RNF20: variants seen among roughly 807,000 people sequenced by gnomAD.
RNF20 encodes the protein ring finger protein 20.
A neutral mutation model predicts 126.2 loss-of-function variants in RNF20; 84 were observed. The observed-to-expected ratio is 0.67, with a 90% CI of 0.56 to 0.80. The LOEUF (loss-of-function observed/expected upper bound fraction) is 0.80. Among genes scored for constraint, RNF20 ranks in the 30% least tolerant of loss-of-function variants. RNF20 has a pLI of 0.00. For missense variants in RNF20, 869 were observed against 1,188.2 expected (o/e 0.73, Z 3.95); for synonymous variants, 400 against 414.3 (o/e 0.97, Z 0.42).
chr9:101,562,486 T>G lies in RNF20; in HGVS notation c.*64T>G. 2.7e-6 allele frequency: 4 copies of G among 1,464,342 alleles called. No homozygotes were observed. Among genetic ancestry groups the G allele is most frequent in the Non-Finnish European group, 2.8e-6 (3 of 1,080,844 alleles). 90.7% of individuals were successfully genotyped at this position (1,464,342 alleles called of 1,614,324 possible). ...ACTTATTCATTAACCACCAAACCTC[T>G]ACCTCTTCTCTCCTTGACTGTCACC... is the stretch of plus-strand genomic sequence containing the variant. On this transcript the variant is annotated 3_prime_UTR_variant, in exon 20 of 20. Coordinates refer to ENST00000389120, the MANE Select transcript of RNF20 (RefSeq NM_019592.7).
At chr9:101,548,285 A>C (rs999243584) in intron 9 of RNF20, among the ~76,000 whole-genome samples, 7 of 152,232 alleles carry the variant, frequency 4.6e-5, no homozygotes, top group Non-Finnish European at 8.8e-5. Flanking sequence ...TAAAAAAGTC[A>C]AAATCTTGGA....
At chr9:101,551,608 G>C in intron 10 of RNF20, 76 bp from the exon 11 acceptor site, 1 of 1,331,704 alleles carries the variant, frequency 7.5e-7, no homozygotes, top group South Asian at 1.7e-5. Context: ...GAAATTTTCA[G>C]AGTAATCCAT....
chr9:101,554,760 G>T lies in RNF20; in HGVS notation c.2086G>T (p.Ala696Ser). 6.2e-7 allele frequency: 1 copy of T among 1,606,736 alleles called. No individual in the cohort carries two copies. Among genetic ancestry groups the T allele is most frequent in the Non-Finnish European group, 8.5e-7 (1 of 1,175,356 alleles). Residue 696 changes from alanine (A) to serine (S), a missense_variant, in exon 15 of 20, where the codon GCT becomes TCT. Transcript: ENST00000389120. ...AGAGAAGAAAGAGAACAAGAAAATG[G>T]CTGATGAGGATGCCTTGAGGAAGAT... ...DKEKKENKKM[A>S]DEDALRKIRA...
chr9:101,540,772 T>G (rs1190079366), intron 4 of RNF20, 21 bp from the exon 5 acceptor site: 1 of 1,594,288 alleles, frequency 6.3e-7, no homozygotes, highest in East Asian at 2.2e-5. Context: ...GGGGCTTCTT[T>G]TTTTCCCCCT....
chr9:101,540,020 A>G (rs1827234561), intron 2 of RNF20, among the ~76,000 whole-genome samples, 183 bp from the exon 3 acceptor site: 2 of 152,138 alleles, frequency 1.3e-5, no homozygotes, highest in South Asian at 4.1e-4. Flanking sequence ...TTCTTTCCTC[A>G]CACCATCATA....
intron 16 of RNF20, among the ~76,000 whole-genome samples, chr9:101,559,680 A>C (rs1827595651): frequency 6.6e-6 from 1 of 151,792 alleles, no homozygotes; most frequent in Non-Finnish European, 1.5e-5. Flanking sequence ...AAAGGGTTTG[A>C]GTTCTTGATA....
In RNF20 at chr9:101,535,393, A is replaced by G. The variant is rs368365119; in HGVS notation, c.-26-5A>G. 151 of 1,598,816 alleles carry G rather than the reference A, an allele frequency of 9.4e-5. No homozygotes were observed. In the African/African-American group the frequency reaches 1.8e-3, roughly 20 times the overall value. Reference sequence around the variant, plus strand: ...TATGTCAGTTTCTGCCTTTTTTTCTATCAGGAAAACGACTGTCTTCTTCTG... The same window carrying G: ...TATGTCAGTTTCTGCCTTTTTTTCTGTCAGGAAAACGACTGTCTTCTTCTG... On this transcript the variant is annotated splice_polypyrimidine_tract_variant and splice_region_variant and intron_variant, in intron 1 of 19. Coordinates refer to ENST00000389120, the MANE Select transcript of RNF20 (RefSeq NM_019592.7).
In RNF20 at chr9:101,550,679, C is replaced by T; in HGVS notation, c.1166C>T (p.Ser389Phe). ...TATCGCTGCATGCAGTCACAGTTCTCCGTCTTGTATAATGAGAGCCTACAG... is the reference window on the plus strand; with the variant it reads ...TATCGCTGCATGCAGTCACAGTTCTTCGTCTTGTATAATGAGAGCCTACAG... The part of the protein sequence containing the change: ...PEYRCMQSQF[S>F]VLYNESLQLK... Residue 389 changes from serine (S) to phenylalanine (F), a missense_variant, in exon 10 of 20, where the codon TCC becomes TTC. Coordinates refer to ENST00000389120, the MANE Select transcript of RNF20 (RefSeq NM_019592.7). 1.2e-6 allele frequency: 2 copies of T among 1,614,102 alleles called. No homozygotes were observed. The highest frequency in any genetic ancestry group is 1.7e-6 in the Non-Finnish European group (2 of 1,179,976).
chr9:101,533,885 G>T lies in RNF20; in HGVS notation c.-56G>T, dbSNP rs922549435. On this transcript the variant is annotated 5_prime_UTR_variant, in exon 1 of 20. Transcript: ENST00000389120. The stretch of plus-strand genomic sequence containing the variant: ...GCCTTGTCTCCGCCGCGGGTCAGGG[G>T]TGAGAGCTGGAATCTCTGCACGGGC... 2.6e-5 allele frequency: 4 copies of T among 152,440 alleles called. No homozygotes were observed. The highest frequency in any genetic ancestry group is 9.6e-5 in the African/African-American group (4 of 41,460). The allele number at this position is 152,440 out of a possible 1,614,324, so 9.4% of individuals were successfully genotyped here.
intron 9 of RNF20, among the ~76,000 whole-genome samples, chr9:101,549,510 C>G (rs529670329): frequency 6.6e-6 from 1 of 152,212 alleles, no homozygotes; most frequent in African/African-American, 2.4e-5. Context: ...TAACGGCGGA[C>G]GAGCCTGACT....
At chr9:101,538,277 TA>T (rs1827214069) in intron 2 of RNF20, among the ~76,000 whole-genome samples, 1 of 152,076 alleles carries the variant, frequency 6.6e-6, no homozygotes, top group South Asian at 2.1e-4. Context: ...ATGATTCAAG[TA>T]TAGGAAAGGT....
In RNF20 at chr9:101,535,685, T is replaced by C. The variant is rs946030040; in HGVS notation, c.129+133T>C. ...AGAGGGAAATAAAACAGGCTGAAAG[T>C]AGGTAAAATGATGTGGTAGTCAGTT... On this transcript the variant is annotated intron_variant, in intron 2 of 19. Transcript: ENST00000389120. The C allele has an allele frequency of 7.6e-6, 7 of 915,128 alleles. No individual in the cohort carries two copies. The Admixed American group carries it at 2.0e-4, about 27-fold the overall frequency. The allele number at this position is 915,128 out of a possible 1,614,324, so 56.7% of individuals were successfully genotyped here. A position where few individuals can be genotyped will look rare whatever the true frequency, so the allele number is the denominator to read the frequency against.
In RNF20 at chr9:101,562,664, C is replaced by T. The variant is rs1432144475; in HGVS notation, c.*242C>T. ...AAACAAATAACTCTTACTGTCTTCCCTCCCAGCTTTGTTTATTTTGTGCTT... is the reference window on the plus strand; with the variant it reads ...AAACAAATAACTCTTACTGTCTTCCTTCCCAGCTTTGTTTATTTTGTGCTT... On this transcript the variant is annotated 3_prime_UTR_variant, in exon 20 of 20. Transcript: ENST00000389120. 2.6e-6 allele frequency: 1 copy of T among 379,612 alleles called. No individual in the cohort carries two copies. Among genetic ancestry groups the T allele is most frequent in the African/African-American group, 2.1e-5 (1 of 48,518 alleles). 23.5% of individuals were successfully genotyped at this position (379,612 alleles called of 1,614,324 possible).
chr9:101,542,660 A>C (rs1221709851), intron 5 of RNF20, among the ~76,000 whole-genome samples: 1 of 152,216 alleles, frequency 6.6e-6, no homozygotes, highest in Non-Finnish European at 1.5e-5. Context: ...AAATTTTAGT[A>C]ATATGGTAAT....
chr9:101,550,540 A>T, intron 9 of RNF20, 66 bp from the exon 10 acceptor site: 2 of 1,402,388 alleles, frequency 1.4e-6, no homozygotes, highest in South Asian at 2.6e-5. Flanking sequence ...TCAAAATTTT[A>T]CTTCCTGTCT....
chr9:101,552,310 A>C, intron 12 of RNF20, 48 bp downstream of exon 12: 1 of 1,613,046 alleles, frequency 6.2e-7, no homozygotes, highest in Non-Finnish European at 8.5e-7. Context: ...AATGTCGTAA[A>C]GCTGCTTTTG....
chr9:101,534,648 A>ATATC (rs1827154085), intron 1 of RNF20, among the ~76,000 whole-genome samples: 1 of 152,162 alleles, frequency 6.6e-6, no homozygotes, highest in African/African-American at 2.4e-5. Context: ...AGGCTTAGAG[A>ATATC]TGATAACTGA....
intron 9 of RNF20, 64 bp downstream of exon 9, chr9:101,547,582 A>G (rs1460016016): frequency 1.9e-6 from 3 of 1,570,846 alleles, no homozygotes; most frequent in African/African-American, 1.4e-5. Context: ...ACGTATATAC[A>G]TAGTTGTGAA....
intron 2 of RNF20, among the ~76,000 whole-genome samples, chr9:101,538,778 G>A (rs895760452): frequency 5.3e-5 from 8 of 152,110 alleles, no homozygotes; most frequent in African/African-American, 1.7e-4. Flanking sequence ...AAAAATTGGT[G>A]GTGTAATAAA....
Sources: gnomAD v4.1 joint callset for allele counts (sites outside exome capture counted in the v4.1 genomes callset) on GRCh38, gnomAD v4.1.1 for gene constraint, MANE v1.5 for transcripts, NCBI Gene and HGNC (gene_info 2026-07-23, HGNC 2026-07-21) for gene names.